ZCCHC4: variants seen among roughly 807,000 people sequenced by gnomAD.
ZCCHC4 encodes the protein zinc finger CCHC-type containing 4.
In ZCCHC4, 54 loss-of-function variants were observed where a neutral mutation model predicts 67.7. The ratio of observed to expected loss-of-function variants is 0.80; its 90% CI spans 0.64 to 1.00. ZCCHC4 has a LOEUF of 1.00. ZCCHC4 is among the 50% of genes least tolerant of loss of function. The probability of loss-of-function intolerance (pLI) is 0.00; values close to 1 mark genes in which losing one functional copy is unlikely to be tolerated. For missense variants in ZCCHC4, 609 were observed against 617.0 expected (o/e 0.99, Z 0.14); for synonymous variants, 198 against 213.5 (o/e 0.93, Z 0.63).
intron 3 of ZCCHC4, among the ~76,000 whole-genome samples, chr4:25,321,316 A>C (rs929458902): frequency 6.6e-6 from 1 of 151,106 alleles, no homozygotes; most frequent in Non-Finnish European, 1.5e-5. Flanking sequence ...GCAGTGGTGC[A>C]TTCATAGCTC....
intron 3 of ZCCHC4, among the ~76,000 whole-genome samples, chr4:25,322,912 T>C (rs1027547025): frequency 4.0e-5 from 6 of 151,444 alleles, no homozygotes; most frequent in African/African-American, 1.2e-4. Context: ...AGTTGTTCTA[T>C]GACAGTGCAT....
chr4:25,344,471 G>T (rs1318575936), intron 5 of ZCCHC4, among the ~76,000 whole-genome samples: 2 of 118,460 alleles, frequency 1.7e-5, no homozygotes, highest in East Asian at 2.7e-4. Flanking sequence ...GTGGGGTGGG[G>T]GGAGGGGGGA....
chr4:25,329,185 T>G (rs1719045927), intron 3 of ZCCHC4, among the ~76,000 whole-genome samples: 2 of 152,126 alleles, frequency 1.3e-5, no homozygotes, highest in African/African-American at 4.8e-5. Context: ...AGACTCTGTC[T>G]CAAAAAAATG....
chr4:25,349,570 G>C lies in ZCCHC4; in HGVS notation c.838G>C (p.Gly280Arg). Residue 280 changes from glycine (G) to arginine (R), a missense_variant, in exon 7 of 13, where the codon GGT becomes CGT. By Grantham distance (125) the Gly-to-Arg change is moderately radical. Transcript: ENST00000302874. ...GIIMVTDPPF[G>R]GLVEPLAITF... ...CATTATGGTGACGGATCCTCCGTTT[G>C]GTGGCTTGGTTGAACCTCTGGCTAT... The C allele has an allele frequency of 6.2e-7, 1 of 1,614,014 alleles. No homozygotes were observed. Among genetic ancestry groups the C allele is most frequent in the Non-Finnish European group, 8.5e-7 (1 of 1,179,924 alleles).
chr4:25,350,131 C>G (rs1235387229), intron 7 of ZCCHC4, among the ~76,000 whole-genome samples: 1 of 152,064 alleles, frequency 6.6e-6, no homozygotes, highest in African/African-American at 2.4e-5. Flanking sequence ...GGTTAGACAT[C>G]CCATAGGCTG....
At chr4:25,357,600 C>T (rs935780632) in intron 8 of ZCCHC4, among the ~76,000 whole-genome samples, 3 of 152,176 alleles carry the variant, frequency 2.0e-5, no homozygotes, top group African/African-American at 7.2e-5. Flanking sequence ...GGAATCTCCC[C>T]TTAAAGGCCT....
At chr4:25,333,825 C>T (rs1719311012) in intron 4 of ZCCHC4, 83 bp from the exon 5 acceptor site, 1 of 947,778 alleles carries the variant, frequency 1.1e-6, no homozygotes, top group African/African-American at 1.7e-5. Context: ...ACCAGAAGAA[C>T]ATTGATGGTT....
At chr4:25,354,630 T>C (rs1319373021) in intron 8 of ZCCHC4, among the ~76,000 whole-genome samples, 1 of 152,094 alleles carries the variant, frequency 6.6e-6, no homozygotes, top group East Asian at 1.9e-4. Flanking sequence ...GCATTTTGCT[T>C]TCCTCTTTTT....
chr4:25,345,712 G>C, intron 6 of ZCCHC4, 92 bp downstream of exon 6: 1 of 832,672 alleles, frequency 1.2e-6, no homozygotes, highest in Non-Finnish European at 1.9e-6. Flanking sequence ...ATTCCCTCAA[G>C]GTCAAATTGT....
intron 3 of ZCCHC4, among the ~76,000 whole-genome samples, chr4:25,331,001 C>T (rs73254146): frequency 0.039 from 5,889 of 152,148 alleles, 149 homozygotes; most frequent in African/African-American, 0.069. Context: ...CCTGGTTATT[C>T]GCCAGTACTC....
chr4:25,350,747 C>A lies in ZCCHC4; in HGVS notation c.911-842C>A, dbSNP rs552641659. Among the ~76,000 whole-genome samples the A allele has an allele frequency of 2.0e-5, 3 of 152,238 alleles. No homozygotes were observed. The East Asian group carries it at 5.8e-4, about 29-fold the overall frequency. On this transcript the variant is annotated intron_variant, in intron 7 of 12. Transcript: ENST00000302874. ...GTGACTCATATTGTTAAGTATTTCA[C>A]TTATTTGCTGTTTTTAAGTCCACTA...
intron 3 of ZCCHC4, among the ~76,000 whole-genome samples, chr4:25,328,280 C>T (rs1266178552): frequency 6.6e-6 from 1 of 152,132 alleles, no homozygotes; most frequent in African/African-American, 2.4e-5. Flanking sequence ...CACTCTGTCT[C>T]CCAGGCTGGA....
At chr4:25,349,125 T>C (rs1480185705) in intron 6 of ZCCHC4, among the ~76,000 whole-genome samples, 1 of 152,302 alleles carries the variant, frequency 6.6e-6, no homozygotes, top group South Asian at 2.1e-4. Context: ...GCCCAGTGCT[T>C]AGCACCATCC....
chr4:25,312,904 A>C lies in ZCCHC4; in HGVS notation c.95A>C (p.Asp32Ala). 6.2e-7 allele frequency: 1 copy of C among 1,612,620 alleles called. No individual in the cohort carries two copies. The highest frequency in any genetic ancestry group is 8.5e-7 in the Non-Finnish European group (1 of 1,179,952). Reference sequence around the variant, plus strand: ...GGAATGGAGGTGGTGCTTCCTTTGGATCCTGCCGTCCCCGCCCCGCTGTGC... The same window carrying C: ...GGAATGGAGGTGGTGCTTCCTTTGGCTCCTGCCGTCCCCGCCCCGCTGTGC... ...SSGMEVVLPL[D>A]PAVPAPLCPH... The change falls in exon 1 of 13, where the codon GAT (aspartate) becomes GCT (alanine). Residue 32 changes from aspartate to alanine, a missense_variant. By Grantham distance (126) the Asp-to-Ala change is moderately radical (BLOSUM62 -2). Transcript: ENST00000302874.
chr4:25,327,942 C>T (rs28642192), intron 3 of ZCCHC4, among the ~76,000 whole-genome samples: 2 of 152,000 alleles, frequency 1.3e-5, no homozygotes, highest in Admixed American at 6.6e-5. Context: ...AACTATATTT[C>T]GTCATGATGT....
intron 5 of ZCCHC4, among the ~76,000 whole-genome samples, chr4:25,337,383 C>T (rs1190534424): frequency 6.6e-6 from 1 of 152,204 alleles, no homozygotes; most frequent in African/African-American, 2.4e-5. Context: ...AGACAGCTTC[C>T]TTCCTACTGC....
intron 8 of ZCCHC4, 194 bp from the exon 9 acceptor site, chr4:25,361,665 G>C: frequency 1.8e-6 from 1 of 568,998 alleles, no homozygotes; most frequent in Non-Finnish European, 3.1e-6. Context: ...TATGATCCTT[G>C]AGTGTTATTC....
intron 10 of ZCCHC4, 28 bp downstream of exon 10, chr4:25,362,329 T>A: frequency 7.1e-7 from 1 of 1,414,658 alleles, no homozygotes; most frequent in Non-Finnish European, 9.6e-7. Flanking sequence ...AATGTATTTT[T>A]ATTTAGATAT....
chr4:25,367,182 TA>T (rs1720987455), intron 12 of ZCCHC4, among the ~76,000 whole-genome samples: 1 of 152,220 alleles, frequency 6.6e-6, no homozygotes, highest in Non-Finnish European at 1.5e-5. Context: ...AATTTTTCTT[TA>T]GTTGCTAACT....
Sources: gnomAD v4.1 joint callset for allele counts (sites outside exome capture counted in the v4.1 genomes callset) on GRCh38, gnomAD v4.1.1 for gene constraint, MANE v1.5 for transcripts, NCBI Gene and HGNC (gene_info 2026-07-23, HGNC 2026-07-21) for gene names.